TMEM196: variants seen among roughly 807,000 people sequenced by gnomAD.
The protein encoded by TMEM196 is transmembrane protein 196.
Under a neutral mutation model 20.0 loss-of-function variants are expected in TMEM196, and 17 were observed. That is an observed-to-expected ratio of 0.85 (90% CI 0.58 to 1.27). The LOEUF (loss-of-function observed/expected upper bound fraction) is 1.27, where lower values mean the gene tolerates loss of function less well. TMEM196 is among the 50% of genes most tolerant of loss of function. The pLI is 0.00. For missense variants in TMEM196, 267 were observed against 223.0 expected (o/e 1.20, Z -1.26); for synonymous variants, 113 against 88.9 (o/e 1.27, Z -1.52).
At chr7:19,762,284 G>A (rs1422527008) in intron 1 of TMEM196, among the ~76,000 whole-genome samples, 1 of 151,848 alleles carries the variant, frequency 6.6e-6, no homozygotes, top group Non-Finnish European at 1.5e-5. Context: ...GTTCAAATTT[G>A]TGTTATCTTA....
At chr7:19,754,848 A>G (rs78486476) in intron 1 of TMEM196, among the ~76,000 whole-genome samples, 2,356 of 152,298 alleles carry the variant, frequency 0.015, 64 homozygotes, top group African/African-American at 0.053. Flanking sequence ...CTGATCACGA[A>G]TCTATATAAC....
intron 1 of TMEM196, among the ~76,000 whole-genome samples, chr7:19,739,104 A>G (rs1784501770): frequency 6.6e-6 from 1 of 152,142 alleles, no homozygotes; most frequent in Admixed American, 6.6e-5. Flanking sequence ...TGTGTTATAC[A>G]TTGGAGCAGA....
chr7:19,755,511 C>T (rs1449191406), intron 1 of TMEM196, among the ~76,000 whole-genome samples: 1 of 152,082 alleles, frequency 6.6e-6, no homozygotes. Context: ...TAAAAAGTAA[C>T]AGAGAGACTT....
intron 1 of TMEM196, among the ~76,000 whole-genome samples, chr7:19,735,546 G>A (rs543307330): frequency 6.6e-6 from 1 of 152,216 alleles, no homozygotes; most frequent in East Asian, 1.9e-4. Flanking sequence ...GTACAAGAAA[G>A]TTTATTTTGG....
chr7:19,725,559 T>G lies in TMEM196; in HGVS notation c.414A>C (p.Ser138=). ...AGTGATGCAGGGAATGCTCCCTTTCTGAGAACATCCTCCTCTGTTCATAAC... is the reference window on the plus strand; with the variant it reads ...AGTGATGCAGGGAATGCTCCCTTTCGGAGAACATCCTCCTCTGTTCATAAC... ...LASYEQRRMF[S]EREHSLHHSH... is the part of the protein sequence containing the mutation. The change falls in exon 3 of 5, where the codon TCA becomes TCC. Residue 138 remains serine, a synonymous_variant. Transcript: ENST00000405844. The G allele has an allele frequency of 6.2e-7, 1 of 1,613,602 alleles. No homozygotes were observed. The highest frequency in any genetic ancestry group is 1.3e-5 in the African/African-American group (1 of 75,038).
intron 1 of TMEM196, among the ~76,000 whole-genome samples, chr7:19,730,927 G>T (rs569902552): frequency 5.1e-4 from 77 of 152,200 alleles, no homozygotes; most frequent in African/African-American, 1.8e-3. Context: ...AATAAATAGA[G>T]CTAGAATAAT....
chr7:19,772,730 G>A lies in TMEM196; in HGVS notation c.-34C>T, dbSNP rs758259127. 5.2e-5 allele frequency: 75 copies of A among 1,450,684 alleles called. No homozygotes were observed. Among genetic ancestry groups the A allele is most frequent in the Non-Finnish European group, 6.6e-5 (72 of 1,087,210 alleles). 89.9% of individuals were successfully genotyped at this position (1,450,684 alleles called of 1,614,324 possible). ...GGTCATCTTCCTTCCAGATCAGAGA[G>A]GGAAATCAACCATCTACCTTTTTTT... On this transcript the variant is annotated 5_prime_UTR_variant, in exon 1 of 5. Transcript: ENST00000405844.
rs896953411 is a variant in TMEM196 at position 19,720,514 on chromosome 7, A to G, written c.*1614T>C. On this transcript the variant is annotated 3_prime_UTR_variant, in exon 5 of 5. Coordinates refer to ENST00000405844, the MANE Select transcript of TMEM196 (RefSeq NM_001363562.2). Reference sequence around the variant, plus strand: ...AAAAAATGACTTGAAAATTGATTAGATTTGAGGAAAAAGAAAAGTATACAA... The same window carrying G: ...AAAAAATGACTTGAAAATTGATTAGGTTTGAGGAAAAAGAAAAGTATACAA... 1.3e-5 allele frequency: 2 copies of G among 151,972 alleles called. No homozygotes were observed. Among genetic ancestry groups the G allele is most frequent in the Admixed American group, 6.5e-5 (1 of 15,268 alleles). 9.4% of individuals were successfully genotyped at this position (151,972 alleles called of 1,614,324 possible).
chr7:19,723,918 T>C (rs1783896635), intron 4 of TMEM196, among the ~76,000 whole-genome samples: 1 of 152,146 alleles, frequency 6.6e-6, no homozygotes, highest in Non-Finnish European at 1.5e-5. Context: ...ATACACAGTT[T>C]GTCTTTATCC....
At chr7:19,742,244 C>T (rs1395091922) in intron 1 of TMEM196, among the ~76,000 whole-genome samples, 1 of 152,148 alleles carries the variant, frequency 6.6e-6, no homozygotes, top group Non-Finnish European at 1.5e-5. Flanking sequence ...CTATACTTTT[C>T]ATGCCATGCC....
At chr7:19,728,550 GC>G (rs949131803) in intron 2 of TMEM196, among the ~76,000 whole-genome samples, 3 of 152,136 alleles carry the variant, frequency 2.0e-5, no homozygotes, top group Admixed American at 1.3e-4. Flanking sequence ...TAACTGCAAT[GC>G]TTCCCATTCC....
chr7:19,739,749 C>T (rs753675038), intron 1 of TMEM196, among the ~76,000 whole-genome samples: 13 of 152,122 alleles, frequency 8.5e-5, no homozygotes, highest in Admixed American at 2.0e-4. Context: ...ATATGCTCAA[C>T]CTCATCAGTA....
chr7:19,736,762 A>C (rs1434219468), intron 1 of TMEM196, among the ~76,000 whole-genome samples: 1 of 151,962 alleles, frequency 6.6e-6, no homozygotes, highest in Non-Finnish European at 1.5e-5. Flanking sequence ...CAAGGGAGAA[A>C]CATGGAGTCA....
intron 2 of TMEM196, among the ~76,000 whole-genome samples, chr7:19,726,327 C>T (rs1783999064): frequency 6.6e-6 from 1 of 152,106 alleles, no homozygotes; most frequent in Admixed American, 6.6e-5. Context: ...TTAGTTCCAC[C>T]TAACTTCAAA....
intron 1 of TMEM196, among the ~76,000 whole-genome samples, chr7:19,743,508 T>A (rs1784647821): frequency 6.6e-6 from 1 of 152,158 alleles, no homozygotes; most frequent in African/African-American, 2.4e-5. Flanking sequence ...ATATTTTGGA[T>A]CAGGTATAAA....
At chr7:19,759,695 C>G (rs1026067564) in intron 1 of TMEM196, among the ~76,000 whole-genome samples, 5 of 151,850 alleles carry the variant, frequency 3.3e-5, no homozygotes, top group Admixed American at 2.6e-4. Context: ...TTCTAATTAT[C>G]TACTTCTCAA....
intron 2 of TMEM196, among the ~76,000 whole-genome samples, chr7:19,725,969 CAGAG>C (rs756384108): frequency 2.6e-5 from 4 of 152,022 alleles, no homozygotes; most frequent in African/African-American, 9.7e-5. Context: ...TCACAGTAGA[CAGAG>C]GGAGTATACC....
chr7:19,733,252 T>C (rs770448307), intron 1 of TMEM196, among the ~76,000 whole-genome samples: 5 of 152,216 alleles, frequency 3.3e-5, no homozygotes, highest in Non-Finnish European at 7.3e-5. Flanking sequence ...TTTGAGTGGA[T>C]TTTCTTTATG....
intron 1 of TMEM196, among the ~76,000 whole-genome samples, chr7:19,741,231 G>C (rs1251733964): frequency 6.6e-6 from 1 of 152,088 alleles, no homozygotes; most frequent in Non-Finnish European, 1.5e-5. Flanking sequence ...TATTTCGTTT[G>C]CAATTACTGG....
Sources: gnomAD v4.1 joint callset for allele counts (sites outside exome capture counted in the v4.1 genomes callset) on GRCh38, gnomAD v4.1.1 for gene constraint, MANE v1.5 for transcripts, NCBI Gene and HGNC (gene_info 2026-07-23, HGNC 2026-07-21) for gene names.